Variants in UNC13C observed in about 807,000 individuals in gnomAD.
UNC13C encodes the protein protein unc-13 homolog C.
A neutral mutation model predicts 245.4 loss-of-function variants in UNC13C; 174 were observed. That is an observed-to-expected ratio of 0.71 (90% CI 0.63 to 0.80). UNC13C has a LOEUF of 0.80. Among genes scored for constraint, UNC13C ranks in the 30% least tolerant of loss-of-function variants. UNC13C has a pLI of 0.00. For synonymous variants in UNC13C, 992 were observed against 895.1 expected, an observed-to-expected ratio of 1.11 and a Z score of -1.93; for missense variants, 2,829 against 2,602.9, an observed-to-expected ratio of 1.09 and a Z score of -1.89.
chr15:54,008,069 CTTAA>C (rs1895221648), intron 1 of UNC13C, among the ~76,000 whole-genome samples: 1 of 152,192 alleles, frequency 6.6e-6, no homozygotes, highest in Non-Finnish European at 1.5e-5. Context: ...AATGCTTTAA[CTTAA>C]TTCTGGTAAT....
rs1308733201 is a variant in UNC13C, at chr15:54,567,861, T to G, written c.6020T>G (p.Leu2007Arg). The change falls in exon 30 of 33, where the codon CTT (leucine) becomes CGT (arginine). Residue 2007 changes from leucine (L) to arginine (R), a missense_variant. Coordinates refer to ENST00000260323, the MANE Select transcript of UNC13C (RefSeq NM_001080534.3). ...AATTTCTTGGAGAAAAGCCCAGATC[T>G]TCAGTCTCTGAGATATGCTCTCAGT... is the stretch of plus-strand genomic sequence containing the variant. The part of the protein sequence containing the change: ...KKNFLEKSPD[L>R]QSLRYALSLY... 1 of 1,603,860 alleles carries G rather than the reference T, an allele frequency of 6.2e-7. No individual in the cohort carries two copies. The highest frequency in any genetic ancestry group is 1.3e-5 in the African/African-American group (1 of 74,882).
At chr15:54,146,864 G>C (rs1897068) in intron 4 of UNC13C, among the ~76,000 whole-genome samples, 142,377 of 152,218 alleles carry the variant, frequency 0.94, 67,335 homozygotes, top group East Asian at 1. Flanking sequence ...ACAGTTCTTA[G>C]GTTTGCAAAA....
intron 19 of UNC13C, among the ~76,000 whole-genome samples, chr15:54,448,405 G>A (rs958554448): frequency 1.1e-4 from 16 of 152,170 alleles, no homozygotes; most frequent in African/African-American, 3.1e-4. Context: ...TTGTTTGGGA[G>A]TCTAAGTCTC....
chr15:54,380,789 C>G (rs921414352), intron 17 of UNC13C, among the ~76,000 whole-genome samples: 1 of 152,026 alleles, frequency 6.6e-6, no homozygotes, highest in Non-Finnish European at 1.5e-5. Context: ...AGGTTCTTTG[C>G]CCATGTTTAA....
At chr15:54,530,121 G>C (rs112949448) in intron 25 of UNC13C, among the ~76,000 whole-genome samples, 5 of 152,258 alleles carry the variant, frequency 3.3e-5, no homozygotes, top group Non-Finnish European at 5.9e-5. Context: ...GTCCATTGAT[G>C]CATTCAACAC....
rs1893464815 is a variant in UNC13C, at chr15:54,487,293, G to C, written c.4934-7315G>C. 2.6e-5 allele frequency among the ~76,000 whole-genome samples: 4 copies of C among 152,144 alleles called. 1 individual carries two copies. In the South Asian group the frequency reaches 8.3e-4, roughly 32 times the overall value. On this transcript the variant is annotated intron_variant, in intron 19 of 32. Coordinates refer to ENST00000260323, the MANE Select transcript of UNC13C (RefSeq NM_001080534.3). ...TCAAGAATAAAGCTTCCTTTGGCAT[G>C]AGTTTCAGTGGTCATAAAGTAAGGC...
rs1901300872 is a variant in UNC13C at position 54,628,091 on chromosome 15, T to TAA, written c.*979_*980dup. ...CCACTTAGTGAAAAAATAGTAAAAT[T>TAA]AAGTCGGAAGAAATTGCTTAAAATT... On this transcript the variant is annotated 3_prime_UTR_variant, in exon 33 of 33. Coordinates refer to ENST00000260323, the MANE Select transcript of UNC13C (RefSeq NM_001080534.3). 6.6e-6 allele frequency: 1 copy of TAA among 152,092 alleles called. No homozygotes were observed. The highest frequency in any genetic ancestry group is 2.4e-5 in the African/African-American group (1 of 41,444). 9.4% of individuals were successfully genotyped at this position (152,092 alleles called of 1,614,324 possible). A position where few individuals can be genotyped will look rare whatever the true frequency, so the allele number is the denominator to read the frequency against.
chr15:54,012,249 G>T (rs1895413785), intron 1 of UNC13C, among the ~76,000 whole-genome samples: 1 of 152,038 alleles, frequency 6.6e-6, no homozygotes. Flanking sequence ...TGGATGTGAG[G>T]GGAATATACA....
At chr15:54,027,312 A>G (rs1340768079) in intron 2 of UNC13C, among the ~76,000 whole-genome samples, 6 of 152,214 alleles carry the variant, frequency 3.9e-5, no homozygotes, top group Admixed American at 3.3e-4. Flanking sequence ...CCATGGAAGA[A>G]GAGTAAGATA....
At chr15:54,105,757 A>G (rs1900413956) in intron 2 of UNC13C, among the ~76,000 whole-genome samples, 1 of 152,254 alleles carries the variant, frequency 6.6e-6, no homozygotes, top group African/African-American at 2.4e-5. Flanking sequence ...AAGAATGTGA[A>G]AGTGAAGAGT....
chr15:54,269,008 G>A (rs1486992734), intron 10 of UNC13C, among the ~76,000 whole-genome samples: 1 of 150,764 alleles, frequency 6.6e-6, no homozygotes, highest in East Asian at 1.9e-4. Context: ...TCAACTCAAA[G>A]AGTCTAATGG....
At chr15:53,908,499 G>T in the UNC13C span, among the ~76,000 whole-genome samples, 2 of 145,638 alleles carry the variant, frequency 1.4e-5, no homozygotes, top group African/African-American at 4.9e-5. Flanking sequence ...AGCACTTTAG[G>T]AGGCTGAGGT....
intron 19 of UNC13C, among the ~76,000 whole-genome samples, chr15:54,488,246 C>T (rs1324970424): frequency 1.3e-5 from 2 of 152,070 alleles, no homozygotes; most frequent in African/African-American, 4.8e-5. Flanking sequence ...CCAACGTTTC[C>T]TGGTGATAAA....
At chr15:53,880,525 A>G in the UNC13C span, among the ~76,000 whole-genome samples, 1 of 152,170 alleles carries the variant, frequency 6.6e-6, no homozygotes, top group Admixed American at 6.5e-5. Flanking sequence ...TGACAGCACG[A>G]ACAGCCTTCA....
intron 24 of UNC13C, among the ~76,000 whole-genome samples, chr15:54,520,063 C>T (rs77608959): frequency 0.01 from 1,567 of 152,224 alleles, 21 homozygotes; most frequent in African/African-American, 0.034. Context: ...AAGGATGATA[C>T]GCCAGTGTCA....
At chr15:54,076,646 T>C (rs912745244) in intron 2 of UNC13C, among the ~76,000 whole-genome samples, 1 of 152,146 alleles carries the variant, frequency 6.6e-6, no homozygotes, top group Non-Finnish European at 1.5e-5. Context: ...AGTTAGTCTC[T>C]ATTACCACTT....
At position 54,145,845 on chromosome 15, in the gene UNC13C, C is replaced by T. The variant is rs191057576; in HGVS notation, c.3071+2161C>T. On this transcript the variant is annotated intron_variant, in intron 4 of 32. Transcript: ENST00000260323. The stretch of plus-strand genomic sequence containing the variant: ...ATGGACGTGATCCTTGTCAGAGCAA[C>T]AGAGTTAATCTACATCCATGCTTTT... Among the ~76,000 whole-genome samples the T allele has an allele frequency of 2.2e-4, 33 of 152,334 alleles. 1 individual carries two copies. The East Asian group carries it at 6.2e-3, about 28-fold the overall frequency.
chr15:54,051,452 C>G (rs1428037309), intron 2 of UNC13C, among the ~76,000 whole-genome samples: 1 of 151,796 alleles, frequency 6.6e-6, no homozygotes, highest in Admixed American at 6.6e-5. Context: ...CCTGGACTTC[C>G]TAATTTTTTC....
chr15:53,951,677 C>T, the UNC13C span, among the ~76,000 whole-genome samples: 1 of 152,136 alleles, frequency 6.6e-6, no homozygotes, highest in Non-Finnish European at 1.5e-5. Flanking sequence ...TTCTGTTTGG[C>T]CCGCAAATCC....
Sources: allele counts gnomAD v4.1 joint callset (sites outside exome capture counted in the v4.1 genomes callset), GRCh38; gene constraint gnomAD v4.1.1; transcripts MANE v1.5; gene names NCBI Gene and HGNC (gene_info 2026-07-23, HGNC 2026-07-21).